Variants in GGT7 observed in about 807,000 individuals in gnomAD.
GGT7 encodes the protein gamma-glutamyltransferase 7.
Under a neutral mutation model 69.2 loss-of-function variants are expected in GGT7, and 30 were observed. That is an observed-to-expected ratio of 0.43 (90% CI 0.32 to 0.59). The LOEUF (loss-of-function observed/expected upper bound fraction) is 0.59. Among genes scored for constraint, GGT7 ranks in the 20% least tolerant of loss-of-function variants. The pLI is 0.05. For synonymous variants in GGT7, 388 were observed against 391.8 expected, an observed-to-expected ratio of 0.99 and a Z score of 0.12; for missense variants, 733 against 901.1, an observed-to-expected ratio of 0.81 and a Z score of 2.39.
In GGT7 at chr20:34,854,915, C is replaced by A; in HGVS notation, c.1111G>T (p.Val371Phe). The stretch of plus-strand genomic sequence containing the variant: ...GTGTGCGGAGGTGGGGGACTAAGAA[C>A]CAGGTGGCCTGAAAGGACAGGAAGT... Reference protein sequence around the residue: ...PVCGVYRGHLVLSPPPPHTGP... With the variant: ...PVCGVYRGHLFLSPPPPHTGP... The change falls in exon 9 of 15, where the codon GTT becomes TTT. Residue 371 changes from valine (V) to phenylalanine (F), a missense_variant. Transcript: ENST00000336431. 1 of 1,613,710 alleles carries A rather than the reference C, an allele frequency of 6.2e-7. No homozygotes were observed. Among genetic ancestry groups the A allele is most frequent in the Non-Finnish European group, 8.5e-7 (1 of 1,179,894 alleles).
Position 34,845,408 on chromosome 20 carries a change from C to T in GGT7, c.1909G>A (p.Gly637Ser). ...EKVDVLSWVHGSRRTNNFIIA... is the reference protein window; with the variant it reads ...EKVDVLSWVHSSRRTNNFIIA... ...ATGAAGTTGTTGGTCCTTCGGCTGCCATGGACCCAGGATAAGACATCTACT... is the reference window on the plus strand; with the variant it reads ...ATGAAGTTGTTGGTCCTTCGGCTGCTATGGACCCAGGATAAGACATCTACT... Residue 637 changes from glycine (G) to serine (S), a missense_variant, in exon 15 of 15, where the codon GGC (glycine) becomes AGC (serine). By Grantham distance (56) the Gly-to-Ser change is moderately conservative. Transcript: ENST00000336431. 4 of 1,614,108 alleles carry T rather than the reference C, an allele frequency of 2.5e-6. No individual in the cohort carries two copies. In the South Asian group the frequency reaches 4.4e-5, roughly 18 times the overall value.
In GGT7 at chr20:34,852,290, G is replaced by T; in HGVS notation, c.1470-18C>A. The T allele has an allele frequency of 6.2e-7, 1 of 1,604,304 alleles. No homozygotes were observed. Among genetic ancestry groups the T allele is most frequent in the Non-Finnish European group, 8.5e-7 (1 of 1,170,996 alleles). The stretch of plus-strand genomic sequence containing the variant: ...TCAGGGAGCTGGGGGCCGAGGTGGG[G>T]TTGGGTGAGCCCTGGCCCATCCTCA... On this transcript the variant is annotated intron_variant, in intron 11 of 14. Transcript: ENST00000336431.
chr20:34,848,097 A>T (rs1007187777), intron 14 of GGT7, among the ~76,000 whole-genome samples: 2 of 152,242 alleles, frequency 1.3e-5, no homozygotes, highest in Non-Finnish European at 2.9e-5. Flanking sequence ...TATCTCAAAA[A>T]AATAATAAAA....
chr20:34,855,056 A>T, intron 8 of GGT7, 133 bp from the exon 9 acceptor site: 1 of 808,482 alleles, frequency 1.2e-6, no homozygotes, highest in East Asian at 2.8e-5. Context: ...GGGAAACTGA[A>T]ACATTGAGAG....
chr20:34,845,141 A>ACCC lies in GGT7; in HGVS notation c.*186_*187insGGG. On this transcript the variant is annotated 3_prime_UTR_variant, in exon 15 of 15. Coordinates refer to ENST00000336431, the MANE Select transcript of GGT7 (RefSeq NM_178026.3). ...CACCACCACCACCACCACCACCACC[A>ACCC]CCACCACCACCACAGGCCTCCTGAT... The ACCC allele has an allele frequency of 2.5e-5, 8 of 314,212 alleles. No homozygotes were observed. Among genetic ancestry groups the ACCC allele is most frequent in the South Asian group, 1.0e-4 (4 of 38,508 alleles). 19.5% of individuals were successfully genotyped at this position (314,212 alleles called of 1,614,324 possible).
intron 10 of GGT7, 66 bp downstream of exon 10, chr20:34,854,465 T>G (rs2146896725): frequency 1.0e-6 from 1 of 953,164 alleles, no homozygotes; most frequent in East Asian, 2.4e-5. Context: ...CCAGCTGCTT[T>G]TCTCCTGACC....
At chr20:34,869,739 T>C (rs1328334538) in intron 1 of GGT7, among the ~76,000 whole-genome samples, 1 of 152,120 alleles carries the variant, frequency 6.6e-6, no homozygotes, top group Non-Finnish European at 1.5e-5. Flanking sequence ...CCATTCATTA[T>C]TGGGAGACTG....
chr20:34,852,367 T>C, intron 11 of GGT7, 22 bp downstream of exon 11: 1 of 1,613,560 alleles, frequency 6.2e-7, no homozygotes, highest in Non-Finnish European at 8.5e-7. Flanking sequence ...TTGTTCCAGG[T>C]TCTGAGTCTG....
Position 34,844,736 on chromosome 20 carries a change from C to T in GGT7, c.*592G>A, listed in dbSNP as rs2079271065. The T allele has an allele frequency of 6.5e-6, 1 of 152,884 alleles. No homozygotes were observed. Among genetic ancestry groups the T allele is most frequent in the South Asian group, 2.1e-4 (1 of 4,846 alleles). The allele number at this position is 152,884 out of a possible 1,614,324, so 9.5% of individuals were successfully genotyped here. On this transcript the variant is annotated 3_prime_UTR_variant, in exon 15 of 15. Transcript: ENST00000336431. ...GAGCCATGGTTAAGCAACATTCTTT[C>T]TTTAATTTCCCTTTGCAAATGGAAG...
In GGT7 at chr20:34,859,572, C is replaced by G. The variant is rs779262432; in HGVS notation, c.885G>C (p.Ser295=). ...ACGAGCCAGGTAGTGGCGGGCGGCC[C>G]GATGGCAGGAACGTCTCCCGGAAGC... ...SERFRETFLP[S]GRPPLPGSLL... Residue 295 remains serine (S), a synonymous_variant, in exon 7 of 15, where the codon TCG becomes TCC. Coordinates refer to ENST00000336431, the MANE Select transcript of GGT7 (RefSeq NM_178026.3). 1.9e-6 allele frequency: 3 copies of G among 1,602,200 alleles called. No individual in the cohort carries two copies. Among genetic ancestry groups the G allele is most frequent in the Non-Finnish European group, 2.6e-6 (3 of 1,174,872 alleles).
At chr20:34,849,000 G>A (rs980720329) in intron 14 of GGT7, among the ~76,000 whole-genome samples, 3 of 151,958 alleles carry the variant, frequency 2.0e-5, no homozygotes, top group African/African-American at 7.3e-5. Context: ...TCCACGATCC[G>A]GCGCCTGCCT....
chr20:34,860,354 G>A (rs563588128), intron 4 of GGT7, 33 bp from the exon 5 acceptor site: 1 of 1,555,980 alleles, frequency 6.4e-7, no homozygotes, highest in Non-Finnish European at 8.9e-7. Flanking sequence ...GGAGAGAGGA[G>A]ACCAGGTCAC....
In GGT7 at chr20:34,872,628, C is replaced by G. The variant is rs750554573; in HGVS notation, c.169+19G>C. 5 of 1,437,336 alleles carry G rather than the reference C, an allele frequency of 3.5e-6. No individual in the cohort carries two copies. In the African/African-American group the frequency reaches 7.5e-5, roughly 21 times the overall value. The allele number at this position is 1,437,336 out of a possible 1,614,324, so 89.0% of individuals were successfully genotyped here. A position where few individuals can be genotyped will look rare whatever the true frequency, so the allele number is the denominator to read the frequency against. ...GGGACTTCCCAAGGCAGGGCAGGGA[C>G]GGGGTCAGCGGGCCTCACCGGTGTC... is the stretch of plus-strand genomic sequence containing the variant. On this transcript the variant is annotated intron_variant, in intron 1 of 14. Transcript: ENST00000336431.
Position 34,872,786 on chromosome 20 carries a change from C to T in GGT7, c.30G>A (p.Glu10=), listed in dbSNP as rs767971775. MAAENEASQ[E]SALGAYSPVD... is the part of the protein sequence containing the mutation. The stretch of plus-strand genomic sequence containing the variant: ...CTGGCGAGTAGGCGCCCAGGGCGCT[C>T]TCCTGGCTGGCCTCGTTCTCCGCCG... Residue 10 remains glutamate (E), a synonymous_variant, in exon 1 of 15, where the codon GAG becomes GAA. Coordinates refer to ENST00000336431, the MANE Select transcript of GGT7 (RefSeq NM_178026.3). The T allele has an allele frequency of 1.4e-5, 20 of 1,396,886 alleles. 1 individual carries two copies. In the South Asian group the frequency reaches 2.5e-4, roughly 18 times the overall value. 86.5% of individuals were successfully genotyped at this position (1,396,886 alleles called of 1,614,324 possible). A position where few individuals can be genotyped will look rare whatever the true frequency, so the allele number is the denominator to read the frequency against.
Position 34,861,535 on chromosome 20 carries a change from G to A in GGT7, c.585C>T (p.Ile195=). 1 of 1,521,440 alleles carries A rather than the reference G, an allele frequency of 6.6e-7. No homozygotes were observed. Among genetic ancestry groups the A allele is most frequent in the Non-Finnish European group, 8.9e-7 (1 of 1,121,600 alleles). The allele number at this position is 1,521,440 out of a possible 1,614,324, so 94.2% of individuals were successfully genotyped here. Residue 195 remains isoleucine (I), a synonymous_variant, in exon 4 of 15, where the codon ATC becomes ATT. Transcript: ENST00000336431. ...CAATTAGGTGGCTCTCATTTCGTCGGATGTCATGTACCAGCATCACGCCCC... is the reference window on the plus strand; with the variant it reads ...CAATTAGGTGGCTCTCATTTCGTCGAATGTCATGTACCAGCATCACGCCCC... ...GGGGVMLVHD[I]RRNESHLIDF... is the part of the protein sequence containing the mutation.
rs371564206 is a variant in GGT7, at chr20:34,863,438, A to C, written c.280T>G (p.Ser94Ala). 71 of 1,613,374 alleles carry C rather than the reference A, an allele frequency of 4.4e-5. 1 individual carries two copies. In the Middle Eastern group the frequency reaches 8.3e-4, roughly 19 times the overall value. The change falls in exon 2 of 15, where the codon TCC becomes GCC. Residue 94 changes from serine to alanine, a missense_variant. Transcript: ENST00000336431. This position sits in a 1 kb window ranked among gnomAD's most constrained non-coding sequence, Gnocchi z 4.4. ...PLRETRKDPFSAAAAECSCRQ... is the reference protein window; with the variant it reads ...PLRETRKDPFAAAAAECSCRQ... The stretch of plus-strand genomic sequence containing the variant: ...CAGGAGCACTCGGCCGCTGCGGCGG[A>C]GAACGGGTCTTTGCGCGTCTCGCGT...
In GGT7 at chr20:34,851,253, C is replaced by T. The variant is rs34687214; in HGVS notation, c.1703G>A (p.Arg568Gln). 1.8e-5 allele frequency: 29 copies of T among 1,613,614 alleles called. No homozygotes were observed. The highest frequency in any genetic ancestry group is 1.8e-4 in the East Asian group (8 of 44,906). The change falls in exon 13 of 15, where the codon CGG (arginine) becomes CAG (glutamine). Residue 568 changes from arginine (R) to glutamine (Q), a missense_variant. Transcript: ENST00000336431. Reference sequence around the variant, plus strand: ...CACCTGTGTCAGGCCGCTGAGGCCCCGCGCAGCTCCATTGGCCCCCAGAGC... The same window carrying T: ...CACCTGTGTCAGGCCGCTGAGGCCCTGCGCAGCTCCATTGGCCCCCAGAGC... ...YLALGANGAA[R>Q]GLSGLTQVLL...
chr20:34,850,853 C>G (rs760413862), intron 13 of GGT7: 1 of 556,014 alleles, frequency 1.8e-6, no homozygotes, highest in Non-Finnish European at 3.5e-6. Context: ...CTGAGGTGTT[C>G]TGGAGAAAAG....
In GGT7 at chr20:34,851,322, G is replaced by A. The variant is rs1239244122; in HGVS notation, c.1634C>T (p.Pro545Leu). The A allele has an allele frequency of 6.2e-7, 1 of 1,613,958 alleles. No homozygotes were observed. The highest frequency in any genetic ancestry group is 1.7e-5 in the Admixed American group (1 of 60,004). Reference sequence around the variant, plus strand: ...CCCCTCCGCGGGTCGGACCACTGTGGGCAGCAGGAAAGAGAGTGGCCGCTT... The same window carrying A: ...CCCCTCCGCGGGTCGGACCACTGTGAGCAGCAGGAAAGAGAGTGGCCGCTT... ...PGKRPLSFLL[P>L]TVVRPAEGLC... The change falls in exon 13 of 15, where the codon CCC (proline) becomes CTC (leucine). Residue 545 changes from proline (P) to leucine (L), a missense_variant. Physicochemically the swap from Pro to Leu is moderately conservative, Grantham distance 98. Coordinates refer to ENST00000336431, the MANE Select transcript of GGT7 (RefSeq NM_178026.3).
Sources: allele counts gnomAD v4.1 joint callset (sites outside exome capture counted in the v4.1 genomes callset), GRCh38; gene constraint gnomAD v4.1.1; non-coding constraint Gnocchi (gnomAD v3.1); transcripts MANE v1.5; gene names NCBI Gene and HGNC (gene_info 2026-07-23, HGNC 2026-07-21).